FBXL20: variants seen among roughly 807,000 people sequenced by gnomAD.
FBXL20 encodes the protein F-box and leucine rich repeat protein 20.
Under a neutral mutation model 64.0 loss-of-function variants are expected in FBXL20, and 11 were observed. The ratio of observed to expected loss-of-function variants is 0.17; its 90% CI spans 0.11 to 0.28. The LOEUF (loss-of-function observed/expected upper bound fraction) is 0.28. Ranked by LOEUF, FBXL20 falls within the 10% of genes least tolerant of loss-of-function variation. FBXL20 has a pLI of 1.00. For synonymous variants in FBXL20, 184 were observed against 189.0 expected, an observed-to-expected ratio of 0.97 and a Z score of 0.22; for missense variants, 303 against 526.2, an observed-to-expected ratio of 0.58 and a Z score of 4.15.
chr17:39,378,355 T>C (rs191972140), intron 1 of FBXL20, among the ~76,000 whole-genome samples: 69 of 152,294 alleles, frequency 4.5e-4, no homozygotes, highest in Admixed American at 1.6e-3. Context: ...ACATTTGTAG[T>C]CTCAGCTACT....
chr17:39,286,297 C>T (rs915678435), intron 6 of FBXL20, among the ~76,000 whole-genome samples: 4 of 152,144 alleles, frequency 2.6e-5, no homozygotes, highest in Admixed American at 2.6e-4. Context: ...CCACTGCAAC[C>T]TCCATTTCCG....
intron 3 of FBXL20, 23 bp downstream of exon 3, chr17:39,303,562 G>GT (rs1461808820): frequency 6.2e-7 from 1 of 1,600,504 alleles, no homozygotes; most frequent in Non-Finnish European, 8.5e-7. Context: ...GGGTCCCCCT[G>GT]TAACTATGCC....
intron 1 of FBXL20, among the ~76,000 whole-genome samples, chr17:39,352,914 T>A (rs2047701464): frequency 1.3e-5 from 2 of 152,130 alleles, no homozygotes; most frequent in Admixed American, 6.6e-5. Flanking sequence ...TAACTAAGTT[T>A]TGACCAGTAG....
Position 39,274,597 on chromosome 17 carries a change from T to C in FBXL20, c.827+373A>G, listed in dbSNP as rs369411151. ...CTTTTAAATATAGTACCCCCTGCTA[T>C]GTACCTGGTATCATTACTATGACAA... On this transcript the variant is annotated intron_variant, in intron 10 of 14. Coordinates refer to ENST00000264658, the MANE Select transcript of FBXL20 (RefSeq NM_032875.3). Among the ~76,000 whole-genome samples, 122 of 152,358 alleles carry C rather than the reference T, an allele frequency of 8.0e-4. 1 individual carries two copies. The highest frequency in any genetic ancestry group is 2.8e-3 in the African/African-American group (118 of 41,590).
At chr17:39,305,248 A>G (rs2047171579) in intron 2 of FBXL20, among the ~76,000 whole-genome samples, 1 of 152,252 alleles carries the variant, frequency 6.6e-6, no homozygotes, top group African/African-American at 2.4e-5. Flanking sequence ...GACTCCTTTA[A>G]CACAGCAATG....
chr17:39,390,011 C>T (rs2048119950), intron 1 of FBXL20, among the ~76,000 whole-genome samples: 1 of 152,086 alleles, frequency 6.6e-6, no homozygotes, highest in African/African-American at 2.4e-5. Context: ...TCTTAGGAGA[C>T]ACTTATTCAT....
In FBXL20 at chr17:39,264,369, G is replaced by T. The variant is rs767463207; in HGVS notation, c.1009C>A (p.Leu337Met). Residue 337 changes from leucine to methionine, a missense_variant, in exon 14 of 15, where the codon CTG (leucine) becomes ATG (methionine). Leu to Met is a conservative substitution (Grantham distance 15, BLOSUM62 2). Around this residue, in one of 3 missense-constraint regions of FBXL20, gnomAD observed 246 missense variants for 422.6 expected, o/e 0.58. Transcript: ENST00000264658. The part of the protein sequence containing the change: ...LQVLSLSHCE[L>M]ITDDGIRHLG... The stretch of plus-strand genomic sequence containing the variant: ...TGACGAATTCCATCATCTGTGATCA[G>T]CTCACAGTGAGACAGACTCTGCAGC... The T allele has an allele frequency of 3.1e-6, 5 of 1,613,414 alleles. No homozygotes were observed. The South Asian group carries it at 5.5e-5, about 18-fold the overall frequency.
intron 12 of FBXL20, among the ~76,000 whole-genome samples, chr17:39,268,089 C>T (rs539430385): frequency 1.3e-4 from 20 of 152,180 alleles, no homozygotes; most frequent in African/African-American, 4.1e-4. Flanking sequence ...ATGTGGCTCA[C>T]GTCTGTAATC....
chr17:39,294,140 T>C (rs540196305), intron 6 of FBXL20, among the ~76,000 whole-genome samples: 1 of 151,952 alleles, frequency 6.6e-6, no homozygotes, highest in African/African-American at 2.4e-5. Flanking sequence ...AGAAGTCTAC[T>C]TGGATTTTTT....
chr17:39,315,326 G>A lies in FBXL20; in HGVS notation c.105-11687C>T, dbSNP rs538423525. ...TTCACGTGCTTATTGAAAGCAGTAC[G>A]CTTTTAGTAAGGTTTTCACAAACTA... On this transcript the variant is annotated intron_variant, in intron 2 of 14. Transcript: ENST00000264658. Among the ~76,000 whole-genome samples the A allele has an allele frequency of 9.3e-5, 14 of 150,588 alleles. 1 individual carries two copies. Among genetic ancestry groups the A allele is most frequent in the South Asian group, 4.2e-4 (2 of 4,808 alleles).
At chr17:39,401,222 G>C (rs1567912336) in intron 1 of FBXL20, 139 bp downstream of exon 1, 2 of 1,528,512 alleles carry the variant, frequency 1.3e-6, no homozygotes, top group African/African-American at 2.8e-5. Context: ...TCGCAAGAAA[G>C]GGGAGCGGAG....
At chr17:39,269,151 T>C (rs113167630) in intron 11 of FBXL20, among the ~76,000 whole-genome samples, 15,624 of 151,796 alleles carry the variant, frequency 0.1, 860 homozygotes, top group African/African-American at 0.15. Context: ...GCTGGGACTA[T>C]AGGAATGTGC....
At chr17:39,276,324 AAAGGGAAGG>A (rs554393901) in intron 9 of FBXL20, among the ~76,000 whole-genome samples, 106 of 150,854 alleles carry the variant, frequency 7.0e-4, no homozygotes, top group African/African-American at 2.4e-3. Flanking sequence ...GAAAGAAAAG[AAAGGGAAGG>A]AAGGGAAGGA....
intron 7 of FBXL20, among the ~76,000 whole-genome samples, chr17:39,283,920 A>ATCCCGGT (rs3079637): frequency 0.38 from 57,593 of 151,644 alleles, 14,053 homozygotes; most frequent in African/African-American, 0.7. Context: ...AAGCCATGAT[A>ATCCCGGT]TCAAGTTCAT....
At chr17:39,388,514 C>T (rs1174742547) in intron 1 of FBXL20, among the ~76,000 whole-genome samples, 3 of 148,580 alleles carry the variant, frequency 2.0e-5, no homozygotes, top group Admixed American at 1.3e-4. Context: ...GACGGCGTCT[C>T]GCTCTGTCGC....
chr17:39,401,821 G>C, upstream of FBXL20: 1 of 663,028 alleles, frequency 1.5e-6, no homozygotes, highest in Non-Finnish European at 2.0e-6. Flanking sequence ...GGAGCAGCCG[G>C]TGCGCGGCGG....
At chr17:39,342,342 G>T (rs950425014) in intron 2 of FBXL20, among the ~76,000 whole-genome samples, 2 of 151,628 alleles carry the variant, frequency 1.3e-5, no homozygotes, top group Admixed American at 1.3e-4. Context: ...GATGTGGGAG[G>T]ACTGCTTGAG....
chr17:39,381,599 T>G (rs912412429), intron 1 of FBXL20, among the ~76,000 whole-genome samples: 1 of 151,946 alleles, frequency 6.6e-6, no homozygotes, highest in Non-Finnish European at 1.5e-5. Flanking sequence ...GAGACCAGCC[T>G]GACAACATGG....
intron 2 of FBXL20, among the ~76,000 whole-genome samples, chr17:39,337,359 G>A (rs2047533676): frequency 6.6e-6 from 1 of 152,308 alleles, no homozygotes; most frequent in African/African-American, 2.4e-5. Flanking sequence ...CCAGCCGCCT[G>A]CCTTGGCTTC....
Sources: allele counts gnomAD v4.1 joint callset (sites outside exome capture counted in the v4.1 genomes callset), GRCh38; gene constraint gnomAD v4.1.1; regional missense constraint gnomAD v4.1.1; transcripts MANE v1.5; gene names NCBI Gene and HGNC (gene_info 2026-07-23, HGNC 2026-07-21).